Variants in RASGRF2 observed in about 807,000 individuals in gnomAD.
The protein encoded by RASGRF2 is Ras protein specific guanine nucleotide releasing factor 2.
RASGRF2 carries 76 observed loss-of-function variants against 151.0 expected under a neutral mutation model. The observed-to-expected ratio is 0.50, with a 90% confidence interval of 0.42 to 0.61. The LOEUF is 0.61. Ranked by LOEUF, RASGRF2 falls within the 20% of genes least tolerant of loss-of-function variation. The pLI, the probability that RASGRF2 is intolerant of heterozygous loss-of-function variation, is 0.00. For synonymous variants in RASGRF2, 504 were observed against 566.5 expected (o/e 0.89, Z 1.57); for missense variants, 1,148 against 1,564.6 (o/e 0.73, Z 4.49).
chr5:80,979,955 C>T (rs1437448814), intron 1 of RASGRF2, among the ~76,000 whole-genome samples: 1 of 152,158 alleles, frequency 6.6e-6, no homozygotes, highest in African/African-American at 2.4e-5. Context: ...GATCTTTGCT[C>T]ACTAAAAATC....
At chr5:80,969,236 T>C (rs894954035) in intron 1 of RASGRF2, among the ~76,000 whole-genome samples, 13 of 150,104 alleles carry the variant, frequency 8.7e-5, no homozygotes, top group Non-Finnish European at 1.8e-4. Flanking sequence ...GTTCAAGTGA[T>C]TCTCCTGTGT....
chr5:81,080,302 G>C, intron 6 of RASGRF2, 102 bp downstream of exon 6: 1 of 1,521,270 alleles, frequency 6.6e-7, no homozygotes, highest in East Asian at 2.3e-5. Flanking sequence ...GCATCACCCT[G>C]TTGACCTGTG....
chr5:81,089,221 A>T (rs532742123), intron 9 of RASGRF2, among the ~76,000 whole-genome samples: 1 of 152,320 alleles, frequency 6.6e-6, no homozygotes, highest in South Asian at 2.1e-4. Flanking sequence ...TTATTATTTT[A>T]AAAAAATTTA....
chr5:81,138,667 A>G (rs962856781), intron 17 of RASGRF2, among the ~76,000 whole-genome samples: 2 of 152,146 alleles, frequency 1.3e-5, no homozygotes, highest in Non-Finnish European at 2.9e-5. Context: ...CTCAACCTCC[A>G]GAAGTTCATC....
chr5:81,098,614 C>T (rs1314245162), intron 12 of RASGRF2, among the ~76,000 whole-genome samples: 1 of 152,162 alleles, frequency 6.6e-6, no homozygotes, highest in East Asian at 1.9e-4. Flanking sequence ...GGAGTGGTCA[C>T]ATGTCAACTG....
chr5:81,026,380 C>G (rs1174808531), intron 1 of RASGRF2, among the ~76,000 whole-genome samples: 4 of 151,998 alleles, frequency 2.6e-5, no homozygotes, highest in Non-Finnish European at 1.5e-5. Flanking sequence ...CAATGTGTCC[C>G]CCAAGGAGCC....
intron 2 of RASGRF2, among the ~76,000 whole-genome samples, chr5:81,066,614 C>G (rs1297792463): frequency 6.6e-6 from 1 of 152,208 alleles, no homozygotes; most frequent in Non-Finnish European, 1.5e-5. Context: ...TCTGTCTCTC[C>G]TGTCTTTGCT....
In RASGRF2 at chr5:81,229,314, G is replaced by A. The variant is rs991796101; in HGVS notation, c.*3544G>A. On this transcript the variant is annotated 3_prime_UTR_variant, in exon 27 of 27. Coordinates refer to ENST00000265080, the MANE Select transcript of RASGRF2 (RefSeq NM_006909.3). ...ATTTATGGCTGAAGGGTATAGCCAG[G>A]CTAATGTGCACAGAGGGAATCAATA... 1.3e-5 allele frequency: 2 copies of A among 152,142 alleles called. No individual in the cohort carries two copies. Among genetic ancestry groups the A allele is most frequent in the African/African-American group, 2.4e-5 (1 of 41,420 alleles). The allele number at this position is 152,142 out of a possible 1,614,324, so 9.4% of individuals were successfully genotyped here. A position where few individuals can be genotyped will look rare whatever the true frequency, so the allele number is the denominator to read the frequency against.
chr5:81,067,928 C>T, intron 2 of RASGRF2, 104 bp from the exon 3 acceptor site: 2 of 1,003,622 alleles, frequency 2.0e-6, no homozygotes, highest in African/African-American at 1.6e-5. Context: ...GCTGAACAAA[C>T]AATGCTCATA....
intron 3 of RASGRF2, among the ~76,000 whole-genome samples, chr5:81,069,861 T>C (rs991370139): frequency 2.0e-5 from 3 of 152,186 alleles, no homozygotes; most frequent in African/African-American, 7.2e-5. Context: ...CTATGTGTAG[T>C]TGAGAGGCCA....
At chr5:81,187,344 A>T (rs949511563) in intron 18 of RASGRF2, among the ~76,000 whole-genome samples, 1 of 152,226 alleles carries the variant, frequency 6.6e-6, no homozygotes, top group African/African-American at 2.4e-5. Flanking sequence ...CCACGTGACT[A>T]ATGGTTACAG....
Position 81,201,356 on chromosome 5 carries a change from G to T in RASGRF2, c.2820G>T (p.Lys940Asn), listed in dbSNP as rs772783731. The change falls in exon 19 of 27, where the codon AAG (lysine) becomes AAT (asparagine). Residue 940 changes from lysine to asparagine, a missense_variant. By Grantham distance (94) the Lys-to-Asn change is moderately conservative. This residue lies in a region of RASGRF2 where 646 missense variants were observed against 807.4 expected (regional missense o/e 0.80). Coordinates refer to ENST00000265080, the MANE Select transcript of RASGRF2 (RefSeq NM_006909.3). ...AQDFELNNEL[K>N]MNVLNLLEEV... The stretch of plus-strand genomic sequence containing the variant: ...ATTTCGAACTCAACAATGAACTAAA[G>T]ATGAATGTCCTAAATTTGCTAGAAG... 1 of 1,612,874 alleles carries T rather than the reference G, an allele frequency of 6.2e-7. No homozygotes were observed. The highest frequency in any genetic ancestry group is 8.5e-7 in the Non-Finnish European group (1 of 1,179,680).
chr5:80,961,955 T>G (rs1401959829), intron 1 of RASGRF2, among the ~76,000 whole-genome samples: 1 of 152,190 alleles, frequency 6.6e-6, no homozygotes, highest in Non-Finnish European at 1.5e-5. Context: ...CACCTTGATA[T>G]GAAAAAGGCT....
rs569155156 is a variant in RASGRF2, at chr5:81,080,858, C to T, written c.1161+69C>T. ...CAATGTCACTGATACCTAGCGTGACCAGCGTGAGATGCTTAAGTGTGCCCT... is the reference window on the plus strand; with the variant it reads ...CAATGTCACTGATACCTAGCGTGACTAGCGTGAGATGCTTAAGTGTGCCCT... On this transcript the variant is annotated intron_variant, in intron 7 of 26. Coordinates refer to ENST00000265080, the MANE Select transcript of RASGRF2 (RefSeq NM_006909.3). The T allele has an allele frequency of 3.2e-4, 448 of 1,399,742 alleles. 8 individuals are homozygous for T. The South Asian group carries it at 3.7e-3, about 12-fold the overall frequency. The allele number at this position is 1,399,742 out of a possible 1,614,324, so 86.7% of individuals were successfully genotyped here. A position where few individuals can be genotyped will look rare whatever the true frequency, so the allele number is the denominator to read the frequency against.
At position 81,033,237 on chromosome 5, in the gene RASGRF2, C is replaced by G. The variant is rs1248281889; in HGVS notation, c.289-9640C>G. 4.7e-5 allele frequency among the ~76,000 whole-genome samples: 7 copies of G among 148,698 alleles called. No homozygotes were observed. The South Asian group carries it at 8.6e-4, about 18-fold the overall frequency. On this transcript the variant is annotated intron_variant, in intron 1 of 26. Transcript: ENST00000265080. ...GCCATACTGCCCAAGGTAATTTATACATTCAATGCCATCCCCATCAAGCTA... is the reference window on the plus strand; with the variant it reads ...GCCATACTGCCCAAGGTAATTTATAGATTCAATGCCATCCCCATCAAGCTA...
At position 81,102,946 on chromosome 5, in the gene RASGRF2, A is replaced by T. The variant is rs561036944; in HGVS notation, c.1756-6050A>T. Among the ~76,000 whole-genome samples the T allele has an allele frequency of 2.0e-5, 3 of 152,326 alleles. No individual in the cohort carries two copies. The South Asian group carries it at 6.2e-4, about 32-fold the overall frequency. ...AAATTATGTATCATGAGTGAGACTCAGCAGGCATGGAGAGCAGTAGAATTA... is the reference window on the plus strand; with the variant it reads ...AAATTATGTATCATGAGTGAGACTCTGCAGGCATGGAGAGCAGTAGAATTA... On this transcript the variant is annotated intron_variant, in intron 12 of 26. Transcript: ENST00000265080.
intron 19 of RASGRF2, among the ~76,000 whole-genome samples, chr5:81,202,035 G>A (rs1460993627): frequency 6.6e-6 from 1 of 152,168 alleles, no homozygotes; most frequent in African/African-American, 2.4e-5. Context: ...AACTTTGGGT[G>A]TACTGCTAGA....
chr5:81,194,962 T>C (rs1211589156), intron 18 of RASGRF2, among the ~76,000 whole-genome samples: 1 of 152,256 alleles, frequency 6.6e-6, no homozygotes, highest in African/African-American at 2.4e-5. Flanking sequence ...GTGCGCCACC[T>C]TTGAGAGCAG....
At chr5:81,082,896 T>A (rs1752126240) in intron 7 of RASGRF2, among the ~76,000 whole-genome samples, 1 of 152,208 alleles carries the variant, frequency 6.6e-6, no homozygotes, top group South Asian at 2.1e-4. Context: ...CCCATAACTA[T>A]TTTGAATAGA....
Sources: allele counts gnomAD v4.1 joint callset (sites outside exome capture counted in the v4.1 genomes callset), GRCh38; gene constraint gnomAD v4.1.1; regional missense constraint gnomAD v4.1.1; transcripts MANE v1.5; gene names NCBI Gene and HGNC (gene_info 2026-07-23, HGNC 2026-07-21).